The following PREX2 variants were observed in gnomAD, a reference collection of about 807,000 sequenced individuals.
The protein encoded by PREX2 is phosphatidylinositol-3,4,5-trisphosphate dependent Rac exchange factor 2, also known as phosphatidylinositol 3,4,5-trisphosphate-dependent Rac exchanger 2 protein.
Under a neutral mutation model 203.2 loss-of-function variants are expected in PREX2, and 107 were observed. That is an observed-to-expected ratio of 0.53 (90% CI 0.45 to 0.62). PREX2 has a LOEUF of 0.62. Among genes scored for constraint, PREX2 ranks in the 20% least tolerant of loss-of-function variants. The pLI, the probability that PREX2 is intolerant of heterozygous loss-of-function variation, is 0.00. For missense variants in PREX2, 1,777 were observed against 1,955.9 expected, an observed-to-expected ratio of 0.91 and a Z score of 1.72; for synonymous variants, 672 against 663.6, an observed-to-expected ratio of 1.01 and a Z score of -0.19.
rs778599632 is a variant in PREX2 at position 68,120,228 on chromosome 8, G to T, written c.3537G>T (p.Gln1179His). 1 of 1,613,754 alleles carries T rather than the reference G, an allele frequency of 6.2e-7. No individual in the cohort carries two copies. Among genetic ancestry groups the T allele is most frequent in the Non-Finnish European group, 8.5e-7 (1 of 1,179,702 alleles). Residue 1179 changes from glutamine (Q) to histidine (H), a missense_variant, in exon 29 of 40, where the codon CAG (glutamine) becomes CAT (histidine). Transcript: ENST00000288368. ...VDSITNLLKG[Q>H]AVVRAFDQTK... is the part of the protein sequence containing the mutation. ...CAATTACCAATCTCCTAAAAGGGCA[G>T]GCTGTTGTGAGGGCCTTTGACCAAA...
intron 7 of PREX2, 126 bp downstream of exon 7, chr8:68,038,418 C>G: frequency 1.1e-6 from 1 of 928,274 alleles, no homozygotes; most frequent in Admixed American, 2.5e-5. Flanking sequence ...CAGAGCCCAT[C>G]ATCCATCAGT....
intron 7 of PREX2, among the ~76,000 whole-genome samples, chr8:68,039,746 C>T (rs75028954): frequency 0.011 from 1,710 of 152,226 alleles, 31 homozygotes; most frequent in African/African-American, 0.039. Flanking sequence ...TTTCCCTCAA[C>T]ATCCCACATC....
chr8:68,159,308 A>G (rs922391753), intron 35 of PREX2, among the ~76,000 whole-genome samples: 4 of 152,230 alleles, frequency 2.6e-5, no homozygotes, highest in African/African-American at 9.6e-5. Context: ...TCTTAGTTGA[A>G]CCAATTTATT....
chr8:68,086,795 C>T (rs1809707280), intron 18 of PREX2, among the ~76,000 whole-genome samples: 1 of 151,974 alleles, frequency 6.6e-6, no homozygotes. Flanking sequence ...TTCTCTTATT[C>T]AGGTTTGCCT....
chr8:68,032,827 A>G (rs1331896195), intron 6 of PREX2, among the ~76,000 whole-genome samples: 4 of 152,154 alleles, frequency 2.6e-5, no homozygotes, highest in African/African-American at 4.8e-5. Context: ...GTGGCATGAC[A>G]GTTACAGAAT....
At chr8:68,223,661 A>ATG (rs1369361505) in intron 38 of PREX2, among the ~76,000 whole-genome samples, 13 of 152,092 alleles carry the variant, frequency 8.5e-5, no homozygotes, top group Non-Finnish European at 1.9e-4. Context: ...CTTTGGTCCT[A>ATG]TGTAGTAAGT....
intron 1 of PREX2, among the ~76,000 whole-genome samples, chr8:68,013,083 T>C (rs1807313426): frequency 1.3e-5 from 2 of 152,214 alleles, no homozygotes; most frequent in Non-Finnish European, 2.9e-5. Context: ...CGTTAGTCTT[T>C]GCAGAAGTTT....
intron 1 of PREX2, among the ~76,000 whole-genome samples, chr8:68,004,202 T>A (rs1807028161): frequency 6.6e-6 from 1 of 152,214 alleles, no homozygotes; most frequent in Admixed American, 6.5e-5. Flanking sequence ...GAGAAGCTAC[T>A]TAATCTCCTT....
chr8:68,036,841 G>T (rs1490230998), intron 6 of PREX2, among the ~76,000 whole-genome samples: 1 of 152,130 alleles, frequency 6.6e-6, no homozygotes, highest in Non-Finnish European at 1.5e-5. Context: ...TACTCGGGAG[G>T]CTGAGGCAGG....
In PREX2 at chr8:68,169,988, G is replaced by A. The variant is rs775031505; in HGVS notation, c.4346+12552G>A. ...AACAAGCTGATCTACTAGGAGGTTA[G>A]TAATTCAGAGGAGGTGGTTAAGGAT... On this transcript the variant is annotated intron_variant, in intron 35 of 39. Transcript: ENST00000288368. Among the ~76,000 whole-genome samples, 3 of 152,236 alleles carry A rather than the reference G, an allele frequency of 2.0e-5. No homozygotes were observed. In the South Asian group the frequency reaches 6.2e-4, roughly 32 times the overall value.
chr8:68,200,781 A>G (rs1290176230), intron 37 of PREX2, among the ~76,000 whole-genome samples: 3 of 152,150 alleles, frequency 2.0e-5, no homozygotes, highest in African/African-American at 7.2e-5. Context: ...ACATCTAGGA[A>G]TCAGGTGATA....
At chr8:68,076,019 G>A (rs751045241) in intron 14 of PREX2, among the ~76,000 whole-genome samples, 21 of 152,142 alleles carry the variant, frequency 1.4e-4, no homozygotes, top group Non-Finnish European at 5.9e-5. Flanking sequence ...CAAGAGGTAT[G>A]GTATTGAGCT....
At chr8:68,188,105 G>T (rs547293973) in intron 35 of PREX2, among the ~76,000 whole-genome samples, 1 of 152,268 alleles carries the variant, frequency 6.6e-6, no homozygotes, top group African/African-American at 2.4e-5. Context: ...GATGGGAAGA[G>T]GAAGTTGTTT....
chr8:67,991,682 T>C (rs1806613550), intron 1 of PREX2, among the ~76,000 whole-genome samples: 1 of 152,086 alleles, frequency 6.6e-6, no homozygotes, highest in African/African-American at 2.4e-5. Context: ...ATGAGGATTA[T>C]GGGGATTACA....
intron 35 of PREX2, among the ~76,000 whole-genome samples, chr8:68,159,188 A>G (rs1449749838): frequency 6.6e-6 from 1 of 152,226 alleles, no homozygotes; most frequent in Non-Finnish European, 1.5e-5. Context: ...GTAGGCAAAT[A>G]ATAAAACTCA....
intron 1 of PREX2, among the ~76,000 whole-genome samples, chr8:67,980,904 C>G (rs776798857): frequency 1.3e-5 from 2 of 152,192 alleles, no homozygotes; most frequent in Non-Finnish European, 1.5e-5. Context: ...ATTACTCAGT[C>G]TTGGGTATTT....
chr8:68,229,987 T>G (rs1393875647), intron 39 of PREX2, among the ~76,000 whole-genome samples: 2 of 152,196 alleles, frequency 1.3e-5, no homozygotes, highest in Non-Finnish European at 2.9e-5. Context: ...GAAATAAGCT[T>G]CTTCTGATGT....
At chr8:67,989,879 C>A (rs943180897) in intron 1 of PREX2, among the ~76,000 whole-genome samples, 2 of 152,144 alleles carry the variant, frequency 1.3e-5, no homozygotes, top group Admixed American at 1.3e-4. Context: ...CTGATAGATT[C>A]AAAATGCAGG....
chr8:68,072,360 G>A, intron 13 of PREX2, 135 bp from the exon 14 acceptor site: 1 of 519,206 alleles, frequency 1.9e-6, no homozygotes, highest in Non-Finnish European at 3.4e-6. Flanking sequence ...ATGTAATTTG[G>A]GCAACTAACT....
Sources: gnomAD v4.1 joint callset for allele counts (sites outside exome capture counted in the v4.1 genomes callset) on GRCh38, gnomAD v4.1.1 for gene constraint, MANE v1.5 for transcripts, NCBI Gene and HGNC (gene_info 2026-07-23, HGNC 2026-07-21) for gene names.